Variants in PTPRN2 observed in about 807,000 individuals in gnomAD.
PTPRN2 encodes the protein receptor-type tyrosine-protein phosphatase N2.
A neutral mutation model predicts 118.8 loss-of-function variants in PTPRN2; 74 were observed. The observed-to-expected ratio is 0.62, with a 90% confidence interval of 0.52 to 0.76. The LOEUF is 0.76. PTPRN2 is among the 30% of genes least tolerant of loss of function. The probability of loss-of-function intolerance (pLI) is 0.00; values close to 1 mark genes in which losing one functional copy is unlikely to be tolerated. For missense variants in PTPRN2, 1,481 were observed against 1,394.4 expected, an observed-to-expected ratio of 1.06 and a Z score of -0.99; for synonymous variants, 641 against 608.0, an observed-to-expected ratio of 1.05 and a Z score of -0.80.
intron 11 of PTPRN2, among the ~76,000 whole-genome samples, chr7:158,061,243 G>A (rs188171611): frequency 9.2e-5 from 14 of 152,346 alleles, no homozygotes; most frequent in Admixed American, 5.9e-4. Context: ...GAGAGTGCGC[G>A]TCCCGCCTCT....
At position 158,442,843 on chromosome 7, in the gene PTPRN2, C is replaced by T. The variant is rs117156966; in HGVS notation, c.163+46892G>A. Reference sequence around the variant, plus strand: ...TTTTTTGTCAGAAAATAAAATGACACGTTTCCATTTTTGGAGAAGTTAAAA... The same window carrying T: ...TTTTTTGTCAGAAAATAAAATGACATGTTTCCATTTTTGGAGAAGTTAAAA... On this transcript the variant is annotated intron_variant, in intron 2 of 22. Coordinates refer to ENST00000389418, the MANE Select transcript of PTPRN2 (RefSeq NM_002847.5). Among the ~76,000 whole-genome samples the T allele has an allele frequency of 4.6e-5, 7 of 152,194 alleles. No individual in the cohort carries two copies. The East Asian group carries it at 5.8e-4, about 13-fold the overall frequency.
At chr7:158,070,402 G>GGTGGACGTGCTC (rs1811158430) in intron 11 of PTPRN2, among the ~76,000 whole-genome samples, 1 of 145,566 alleles carries the variant, frequency 6.9e-6, no homozygotes, top group Non-Finnish European at 1.5e-5. Flanking sequence ...TGCTCGTGGT[G>GGTGGACGTGCTC]GTGGACGTGC....
At position 157,619,720 on chromosome 7, in the gene PTPRN2, A is replaced by G. The variant is rs1803035309; in HGVS notation, c.2344+1642T>C. On this transcript the variant is annotated intron_variant, in intron 15 of 22. Coordinates refer to ENST00000389418, the MANE Select transcript of PTPRN2 (RefSeq NM_002847.5). The surrounding 1 kb of genome is among the most constrained non-coding windows in gnomAD (Gnocchi z 5.3). ...ATTTTACACAGGTCTGCAGTGCCCC[A>G]GGTTAGTTTCTGAAGCAAAACAAGA... Among the ~76,000 whole-genome samples the G allele has an allele frequency of 6.6e-6, 1 of 152,228 alleles. No individual in the cohort carries two copies. The highest frequency in any genetic ancestry group is 1.5e-5 in the Non-Finnish European group (1 of 68,038).
chr7:158,183,726 G>A (rs1370911918), intron 5 of PTPRN2, among the ~76,000 whole-genome samples: 1 of 152,182 alleles, frequency 6.6e-6, no homozygotes, highest in African/African-American at 2.4e-5. Context: ...TGCATATCTT[G>A]GAGGCAGTGT....
chr7:157,995,832 C>T (rs757339915), intron 11 of PTPRN2, among the ~76,000 whole-genome samples: 2 of 152,202 alleles, frequency 1.3e-5, no homozygotes, highest in African/African-American at 2.4e-5. Context: ...GACTACCCTT[C>T]GGAAATGCAC....
At chr7:157,543,966 C>CAGATGGAGAGAGACAGAGAG (rs1798133923) in intron 22 of PTPRN2, among the ~76,000 whole-genome samples, 1 of 151,504 alleles carries the variant, frequency 6.6e-6, no homozygotes, top group Admixed American at 6.6e-5. Flanking sequence ...AGATGGGAGA[C>CAGATGGAGAGAGACAGAGAG]AGATGGAGAG....
chr7:158,341,296 C>A (rs796259852), intron 2 of PTPRN2, among the ~76,000 whole-genome samples: 2 of 136,478 alleles, frequency 1.5e-5, no homozygotes, highest in Admixed American at 1.4e-4. Flanking sequence ...AGAGCCGACG[C>A]CCATAGACGT....
chr7:158,003,570 C>T lies in PTPRN2; in HGVS notation c.1723+77728G>A, dbSNP rs1013662300. 3.3e-5 allele frequency among the ~76,000 whole-genome samples: 5 copies of T among 152,274 alleles called. No homozygotes were observed. The highest frequency in any genetic ancestry group is 1.9e-4 in the East Asian group (1 of 5,162). ...CGCAGCCACCGTGAGCCAGGGAATG[C>T]GGCCCCAGGAACAAGCCCTGCCCAC... On this transcript the variant is annotated intron_variant, in intron 11 of 22. Coordinates refer to ENST00000389418, the MANE Select transcript of PTPRN2 (RefSeq NM_002847.5). This position sits in a 1 kb window ranked among gnomAD's most constrained non-coding sequence, Gnocchi z 5.0.
intron 3 of PTPRN2, among the ~76,000 whole-genome samples, chr7:158,270,239 C>G (rs1473689781): frequency 1.3e-5 from 2 of 152,236 alleles, no homozygotes; most frequent in Non-Finnish European, 2.9e-5. Context: ...GCCTGGAAGG[C>G]TCCACCGGCC....
chr7:158,063,737 C>T lies in PTPRN2; in HGVS notation c.1723+17561G>A, dbSNP rs182367815. ...TAGAAGGAACAAACTCGGGACACAC[C>T]GCCTTTAAGAACTGTAACACTCACT... On this transcript the variant is annotated intron_variant, in intron 11 of 22. Transcript: ENST00000389418. 1.1e-4 allele frequency among the ~76,000 whole-genome samples: 17 copies of T among 152,242 alleles called. 1 individual carries two copies. Among genetic ancestry groups the T allele is most frequent in the Middle Eastern group, 3.4e-3 (1 of 294 alleles).
At chr7:157,792,370 C>T (rs1478375174) in intron 12 of PTPRN2, among the ~76,000 whole-genome samples, 1 of 152,250 alleles carries the variant, frequency 6.6e-6, no homozygotes, top group Non-Finnish European at 1.5e-5. Context: ...CCGGGGCCAC[C>T]TCTCCTGGGT....
intron 14 of PTPRN2, among the ~76,000 whole-genome samples, chr7:157,650,776 C>T (rs1480297239): frequency 6.6e-6 from 1 of 152,240 alleles, no homozygotes; most frequent in African/African-American, 2.4e-5. Context: ...ACCCCAGCCC[C>T]TTTCTGCTGC....
chr7:158,171,304 CACACAT>C (rs1177739228), intron 5 of PTPRN2, among the ~76,000 whole-genome samples: 2,395 of 27,652 alleles, frequency 0.087, 130 homozygotes, highest in Non-Finnish European at 0.12. Context: ...CATATATATA[CACACAT>C]ATATATATAT....
chr7:158,326,720 A>G (rs547681381), intron 2 of PTPRN2, among the ~76,000 whole-genome samples: 28 of 151,178 alleles, frequency 1.9e-4, no homozygotes, highest in African/African-American at 6.3e-4. Flanking sequence ...ATGCTCTCAC[A>G]TGCATACATT....
At chr7:158,582,212 T>C (rs1828661288) in intron 1 of PTPRN2, among the ~76,000 whole-genome samples, 1 of 152,202 alleles carries the variant, frequency 6.6e-6, no homozygotes, top group African/African-American at 2.4e-5. Context: ...TAAACTAATG[T>C]GGAAAGAGCT....
intron 12 of PTPRN2, among the ~76,000 whole-genome samples, chr7:157,817,579 G>A (rs894611941): frequency 6.6e-6 from 1 of 152,210 alleles, no homozygotes. Flanking sequence ...TGTCCTCAGG[G>A]AAAAGAGGAG....
At chr7:157,612,541 T>C (rs558648567) in intron 15 of PTPRN2, among the ~76,000 whole-genome samples, 273 of 152,298 alleles carry the variant, frequency 1.8e-3, no homozygotes, top group African/African-American at 6.3e-3. Flanking sequence ...CTGTGCTGCC[T>C]GAGATTAACG....
chr7:157,908,566 G>A (rs1368321785), intron 11 of PTPRN2, among the ~76,000 whole-genome samples: 2 of 152,158 alleles, frequency 1.3e-5, no homozygotes, highest in African/African-American at 2.4e-5. Flanking sequence ...ATGTGGAGGC[G>A]CCCCGCAGCA....
chr7:157,584,928 G>A (rs901510481), intron 17 of PTPRN2, among the ~76,000 whole-genome samples: 1 of 152,214 alleles, frequency 6.6e-6, no homozygotes, highest in Non-Finnish European at 1.5e-5. Flanking sequence ...GGTTCCGAGA[G>A]AGTCACAGGC....
Sources: gnomAD v4.1 joint callset for allele counts (sites outside exome capture counted in the v4.1 genomes callset) on GRCh38, gnomAD v4.1.1 for gene constraint, Gnocchi (gnomAD v3.1) non-coding constraint, MANE v1.5 for transcripts, NCBI Gene and HGNC (gene_info 2026-07-23, HGNC 2026-07-21) for gene names.